Variants in NACC2 observed in about 807,000 individuals in gnomAD.
The protein encoded by NACC2 is NACC family member 2, also known as nucleus accumbens-associated protein 2.
NACC2 carries 8 observed loss-of-function variants against 25.1 expected under a neutral mutation model. The ratio of observed to expected loss-of-function variants is 0.32; its 90% CI spans 0.19 to 0.57. The LOEUF is 0.57. NACC2 is among the 20% of genes least tolerant of loss of function. NACC2 has a pLI of 0.89. For missense variants in NACC2, 644 were observed against 650.2 expected (o/e 0.99, Z 0.10); for synonymous variants, 435 against 294.7 (o/e 1.48, Z -4.88).
chr9:136,016,254 G>A lies in NACC2; in HGVS notation c.1051+11C>T. On this transcript the variant is annotated intron_variant, in intron 3 of 5. Transcript: ENST00000277554. ...ATTTGCATACAATAGATGGGTGGGA[G>A]GCAGCCTCACCTGCCACCAGCTCCA... The A allele has an allele frequency of 6.2e-7, 1 of 1,612,554 alleles. No homozygotes were observed.
At chr9:136,090,824 T>A (rs1485676571) in intron 1 of NACC2, among the ~76,000 whole-genome samples, 1 of 151,468 alleles carries the variant, frequency 6.6e-6, no homozygotes, top group African/African-American at 2.4e-5. Flanking sequence ...GTGGCTGAGC[T>A]GGGGCCGGCC....
rs2131162384 is a variant in NACC2 at position 136,050,115 on chromosome 9, T to C, written c.407A>G (p.Glu136Gly). 3 of 758,416 alleles carry C rather than the reference T, an allele frequency of 4.0e-6. No homozygotes were observed. The East Asian group carries it at 7.4e-5, about 19-fold the overall frequency. The allele number at this position is 758,416 out of a possible 1,614,324, so 47.0% of individuals were successfully genotyped here. A position where few individuals can be genotyped will look rare whatever the true frequency, so the allele number is the denominator to read the frequency against. ...GCTCTGGGGCTCGGAGCCGGCGTCC[T>C]CGATCACAGCGGTCTGCGAGTCGCA... The part of the protein sequence containing the change: ...PHCDSQTAVI[E>G]DAGSEPQSPC... Residue 136 changes from glutamate (E) to glycine (G), a missense_variant, in exon 2 of 6, where the codon GAG becomes GGG. Physicochemically the swap from Glu to Gly is moderately conservative, Grantham distance 98. Coordinates refer to ENST00000277554, the MANE Select transcript of NACC2 (RefSeq NM_144653.5).
chr9:136,066,542 G>A (rs1841083588), intron 1 of NACC2, among the ~76,000 whole-genome samples: 2 of 152,160 alleles, frequency 1.3e-5, no homozygotes, highest in East Asian at 3.8e-4. Context: ...GATCGGGAAT[G>A]CAAAATGTTA....
rs56162840 is a variant in NACC2 at position 136,007,407 on chromosome 9, G to GCA, written c.*4107_*4108dup. On this transcript the variant is annotated 3_prime_UTR_variant, in exon 6 of 6. Transcript: ENST00000277554. ...GACACGCGTGCAGAGACACGCACGTGCACACAGACGCGCGTGCACACATAC... is the reference window on the plus strand; with the variant it reads ...GACACGCGTGCAGAGACACGCACGTGCACACACAGACGCGCGTGCACACATAC... 115,965 of 150,174 alleles carry GCA rather than the reference G, an allele frequency of 0.77. 44,563 individuals carry two copies. Among genetic ancestry groups the GCA allele is most frequent in the Non-Finnish European group, 0.8 (53,193 of 66,392 alleles). The allele number at this position is 150,174 out of a possible 1,614,324, so 9.3% of individuals were successfully genotyped here.
Position 136,018,719 on chromosome 9 carries a change from A to C in NACC2, c.887-2290T>G, listed in dbSNP as rs536560029. ...CAGGCAGCATTTCCCGGTGGGGCAG[A>C]GCATCGCAGGATAAGCCCAGAATTA... On this transcript the variant is annotated intron_variant, in intron 2 of 5. Coordinates refer to ENST00000277554, the MANE Select transcript of NACC2 (RefSeq NM_144653.5). The surrounding 1 kb of genome is among the most constrained non-coding windows in gnomAD (Gnocchi z 4.4). Among the ~76,000 whole-genome samples the C allele has an allele frequency of 3.9e-5, 6 of 152,032 alleles. No individual in the cohort carries two copies. Among genetic ancestry groups the C allele is most frequent in the Non-Finnish European group, 7.4e-5 (5 of 67,974 alleles).
At position 136,068,919 on chromosome 9, in the gene NACC2, C is replaced by CTTTT. The variant is rs35009638; in HGVS notation, c.-59-18343_-59-18340dup. Among the ~76,000 whole-genome samples the CTTTT allele has an allele frequency of 1.4e-3, 202 of 144,760 alleles. 2 individuals carry two copies. In the East Asian group the frequency reaches 0.021, roughly 15 times the overall value. 95.0% of individuals were successfully genotyped at this position (144,760 alleles called of 152,430 possible). Reference sequence around the variant, plus strand: ...TTAAAAGACAGAGATTGAAAGAATACTTTTTTTTTTTTTTAAAGATGGAGT... The same window carrying CTTTT: ...TTAAAAGACAGAGATTGAAAGAATACTTTTTTTTTTTTTTTTTTAAAGATGGAGT... On this transcript the variant is annotated intron_variant, in intron 1 of 5. Coordinates refer to ENST00000277554, the MANE Select transcript of NACC2 (RefSeq NM_144653.5).
intron 1 of NACC2, among the ~76,000 whole-genome samples, chr9:136,063,002 C>T (rs1242978760): frequency 2.0e-5 from 3 of 152,254 alleles, no homozygotes; most frequent in African/African-American, 7.2e-5. Context: ...CCATGCCTGT[C>T]TTCTTGTGTC....
chr9:136,028,398 A>G (rs563413727), intron 2 of NACC2, among the ~76,000 whole-genome samples: 4 of 133,508 alleles, frequency 3.0e-5, no homozygotes, highest in African/African-American at 5.8e-5. Flanking sequence ...TTTTTTTGAG[A>G]CAGGGTCTCT....
At position 136,059,529 on chromosome 9, in the gene NACC2, CAG is replaced by C. The variant is rs562654440; in HGVS notation, c.-59-8951_-59-8950del. ...CGCCTCCTTGGGTGTGTGGTCCACT[CAG>C]GGAGCTGGGGGGTTGCCGAAGTCGG... On this transcript the variant is annotated intron_variant, in intron 1 of 5. Coordinates refer to ENST00000277554, the MANE Select transcript of NACC2 (RefSeq NM_144653.5). Among the ~76,000 whole-genome samples the C allele has an allele frequency of 5.3e-5, 8 of 152,362 alleles. No individual in the cohort carries two copies. In the South Asian group the frequency reaches 1.7e-3, roughly 32 times the overall value.
At chr9:136,038,966 C>T (rs917822430) in intron 2 of NACC2, among the ~76,000 whole-genome samples, 8 of 152,282 alleles carry the variant, frequency 5.3e-5, no homozygotes, top group South Asian at 4.1e-4. Flanking sequence ...AGATGGTAGA[C>T]GTACACCTAA....
At chr9:136,090,329 C>T (rs1830421952) in intron 1 of NACC2, among the ~76,000 whole-genome samples, 1 of 152,206 alleles carries the variant, frequency 6.6e-6, no homozygotes, top group South Asian at 2.1e-4. Context: ...AACGCTGACT[C>T]CCTCCAAGAC....
At chr9:136,012,820 G>A (rs933799464) in intron 5 of NACC2, among the ~76,000 whole-genome samples, 2 of 152,362 alleles carry the variant, frequency 1.3e-5, no homozygotes, top group East Asian at 3.9e-4. Context: ...CCCTGGAGAT[G>A]GACCGGGCTC....
chr9:136,024,234 TGTGTGAGGACAGAGG>T (rs1285835847), intron 2 of NACC2, among the ~76,000 whole-genome samples: 12 of 32,456 alleles, frequency 3.7e-4, no homozygotes, highest in Middle Eastern at 0.021. Flanking sequence ...ACAGAGGGTG[TGTGTGAGGACAGAGG>T]GTGTGTGTGA....
chr9:136,046,374 G>C (rs1455282814), intron 2 of NACC2, among the ~76,000 whole-genome samples: 2 of 152,168 alleles, frequency 1.3e-5, no homozygotes, highest in Non-Finnish European at 2.9e-5. Flanking sequence ...TTTCACCCCT[G>C]GGTGCACCCC....
At chr9:136,046,548 G>A (rs1249430881) in intron 2 of NACC2, among the ~76,000 whole-genome samples, 2 of 152,202 alleles carry the variant, frequency 1.3e-5, no homozygotes, top group African/African-American at 2.4e-5. Context: ...TGAGCGTCCC[G>A]AGCCAGCGTC....
chr9:136,071,415 T>G (rs981162360), intron 1 of NACC2, among the ~76,000 whole-genome samples: 3 of 151,722 alleles, frequency 2.0e-5, no homozygotes, highest in African/African-American at 7.3e-5. Flanking sequence ...TGGAGGCAGG[T>G]GCCTGTAATC....
In NACC2 at chr9:136,018,742, T is replaced by C. The variant is rs1197291120; in HGVS notation, c.887-2313A>G. Among the ~76,000 whole-genome samples, 1 of 151,690 alleles carries C rather than the reference T, an allele frequency of 6.6e-6. No individual in the cohort carries two copies. Among genetic ancestry groups the C allele is most frequent in the Non-Finnish European group, 1.5e-5 (1 of 67,916 alleles). Reference sequence around the variant, plus strand: ...AGAGCATCGCAGGATAAGCCCAGAATTACCCGAGTGCTCAGGGAACACAGC... The same window carrying C: ...AGAGCATCGCAGGATAAGCCCAGAACTACCCGAGTGCTCAGGGAACACAGC... On this transcript the variant is annotated intron_variant, in intron 2 of 5. Transcript: ENST00000277554. This position sits in a 1 kb window ranked among gnomAD's most constrained non-coding sequence, Gnocchi z 4.4.
Position 136,013,809 on chromosome 9 carries a change from A to C in NACC2, c.1157+55T>G. The C allele has an allele frequency of 6.8e-7, 1 of 1,479,820 alleles. No homozygotes were observed. The highest frequency in any genetic ancestry group is 1.7e-5 in the Admixed American group (1 of 58,180). 91.7% of individuals were successfully genotyped at this position (1,479,820 alleles called of 1,614,324 possible). On this transcript the variant is annotated intron_variant, in intron 4 of 5. Transcript: ENST00000277554. This position sits in a 1 kb window ranked among gnomAD's most constrained non-coding sequence, Gnocchi z 6.6. Reference sequence around the variant, plus strand: ...CGATCAGACAGCTCATAGCTAAAGGAGCCAGAACCCTCCGCAGCTCCATTG... The same window carrying C: ...CGATCAGACAGCTCATAGCTAAAGGCGCCAGAACCCTCCGCAGCTCCATTG...
chr9:136,047,218 C>A (rs944646998), intron 2 of NACC2, among the ~76,000 whole-genome samples: 1 of 152,172 alleles, frequency 6.6e-6, no homozygotes, highest in Admixed American at 6.5e-5. Context: ...GCCCGGGACA[C>A]GGAGGGCACG....
Sources: allele counts gnomAD v4.1 joint callset (sites outside exome capture counted in the v4.1 genomes callset), GRCh38; gene constraint gnomAD v4.1.1; non-coding constraint Gnocchi (gnomAD v3.1); transcripts MANE v1.5; gene names NCBI Gene and HGNC (gene_info 2026-07-23, HGNC 2026-07-21).